Variants in NSMCE2 observed in about 807,000 individuals in gnomAD.
NSMCE2 encodes NSE2 SUMO ligase component of SMC5/6 complex, also known as E3 SUMO-protein ligase NSE2.
A neutral mutation model predicts 23.8 loss-of-function variants in NSMCE2; 24 were observed. The ratio of observed to expected loss-of-function variants is 1.01; its 90% CI spans 0.73 to 1.42. The LOEUF (loss-of-function observed/expected upper bound fraction) is 1.42. Ranked by LOEUF, NSMCE2 falls within the 40% of genes most tolerant of loss-of-function variation. NSMCE2 has a pLI of 0.00. For synonymous variants in NSMCE2, 92 were observed against 94.1 expected, an observed-to-expected ratio of 0.98 and a Z score of 0.13; for missense variants, 284 against 296.5, an observed-to-expected ratio of 0.96 and a Z score of 0.31.
intron 3 of NSMCE2, among the ~76,000 whole-genome samples, chr8:125,146,320 G>A (rs939793781): frequency 1.7e-4 from 26 of 152,328 alleles, no homozygotes; most frequent in South Asian, 4.1e-4. Context: ...GAGGCCTGGC[G>A]CTGCTGCTAA....
intron 3 of NSMCE2, among the ~76,000 whole-genome samples, chr8:125,134,048 GC>G (rs1195425521): frequency 6.6e-6 from 1 of 152,116 alleles, no homozygotes; most frequent in Non-Finnish European, 1.5e-5. Flanking sequence ...TGTTAGTCCA[GC>G]CCAACCACAC....
intron 5 of NSMCE2, among the ~76,000 whole-genome samples, chr8:125,271,308 G>A (rs1419239164): frequency 6.6e-6 from 1 of 151,924 alleles, no homozygotes; most frequent in East Asian, 1.9e-4. Flanking sequence ...AGTAGTGAGG[G>A]GGGTCTAAGT....
chr8:125,333,532 T>TTTTTTTTTTTTTTTTGGG, intron 5 of NSMCE2, among the ~76,000 whole-genome samples: 1 of 126,964 alleles, frequency 7.9e-6, no homozygotes, highest in Admixed American at 7.9e-5. Flanking sequence ...TTTTTTTTTT[T>TTTTTTTTTTTTTTTTGGG]GAGACGGAGT....
chr8:125,252,082 A>C (rs1324974955), intron 5 of NSMCE2, among the ~76,000 whole-genome samples: 1 of 152,204 alleles, frequency 6.6e-6, no homozygotes, highest in Non-Finnish European at 1.5e-5. Flanking sequence ...AATCCTTGTA[A>C]TCCTAGCTGA....
At chr8:125,348,201 T>C (rs767698760) in intron 5 of NSMCE2, 3 of 152,204 alleles carry the variant, frequency 2.0e-5, no homozygotes, top group Non-Finnish European at 4.4e-5. Flanking sequence ...AACAATTTTA[T>C]AATTACAGAA....
intron 5 of NSMCE2, among the ~76,000 whole-genome samples, chr8:125,200,822 G>A (rs1823838566): frequency 6.6e-6 from 1 of 152,136 alleles, no homozygotes; most frequent in South Asian, 2.1e-4. Flanking sequence ...ATCAAACGTA[G>A]GCTTGGTCTT....
At chr8:125,352,544 A>G (rs943644823) in intron 5 of NSMCE2, among the ~76,000 whole-genome samples, 2 of 152,016 alleles carry the variant, frequency 1.3e-5, no homozygotes, top group Admixed American at 6.6e-5. Context: ...TTAATATTCA[A>G]ATGAACCAGT....
chr8:125,171,840 C>T (rs1381567074), intron 4 of NSMCE2, among the ~76,000 whole-genome samples: 1 of 152,174 alleles, frequency 6.6e-6, no homozygotes, highest in East Asian at 1.9e-4. Context: ...CCTCTTCCTG[C>T]AGTGATGGAA....
intron 5 of NSMCE2, among the ~76,000 whole-genome samples, chr8:125,250,258 C>T (rs979403777): frequency 1.3e-5 from 2 of 152,000 alleles, no homozygotes; most frequent in African/African-American, 4.8e-5. Flanking sequence ...CCAAAGCCAC[C>T]ACGCCCAGCA....
chr8:125,294,349 C>A (rs1366536970), intron 5 of NSMCE2, among the ~76,000 whole-genome samples: 1 of 150,790 alleles, frequency 6.6e-6, no homozygotes, highest in African/African-American at 2.5e-5. Flanking sequence ...CATATGGTGA[C>A]TCTATGTTTA....
chr8:125,306,629 A>C (rs1216359332), intron 5 of NSMCE2, among the ~76,000 whole-genome samples: 1 of 152,222 alleles, frequency 6.6e-6, no homozygotes, highest in Non-Finnish European at 1.5e-5. Context: ...TTTTCCACTG[A>C]CCATCAGAAC....
intron 5 of NSMCE2, among the ~76,000 whole-genome samples, chr8:125,293,721 A>G (rs1387021574): frequency 6.6e-6 from 1 of 152,222 alleles, no homozygotes; most frequent in Non-Finnish European, 1.5e-5. Context: ...GCTGTGAGAG[A>G]TGATGGCTTT....
At chr8:125,338,765 A>T (rs115185771) in intron 5 of NSMCE2, among the ~76,000 whole-genome samples, 1,663 of 152,350 alleles carry the variant, frequency 0.011, 35 homozygotes, top group African/African-American at 0.037. Flanking sequence ...TGGGTTATAA[A>T]TGAAATTTAT....
rs370895566 is a variant in NSMCE2, at chr8:125,107,841, C to T, written c.157+5354C>T. 5.3e-5 allele frequency among the ~76,000 whole-genome samples: 8 copies of T among 152,212 alleles called. No homozygotes were observed. In the South Asian group the frequency reaches 1.2e-3, roughly 24 times the overall value. The stretch of plus-strand genomic sequence containing the variant: ...TTGAGCTCAGGAGTTTGATACTAGC[C>T]TGCAGCAACATGGCAAACCCTGTCT... On this transcript the variant is annotated intron_variant, in intron 3 of 7. Coordinates refer to ENST00000287437, the MANE Select transcript of NSMCE2 (RefSeq NM_173685.4).
At chr8:125,357,930 C>T in intron 7 of NSMCE2, 112 bp downstream of exon 7, 1 of 717,638 alleles carries the variant, frequency 1.4e-6, no homozygotes, top group Non-Finnish European at 2.4e-6. Flanking sequence ...ATTCCGTTCA[C>T]CTCCCGAATA....
At chr8:125,288,790 T>A (rs548322125) in intron 5 of NSMCE2, among the ~76,000 whole-genome samples, 21 of 152,284 alleles carry the variant, frequency 1.4e-4, no homozygotes, top group African/African-American at 3.4e-4. Flanking sequence ...CTTTATTTTT[T>A]AAATTTATTT....
At chr8:125,266,099 T>TC (rs1381351357) in intron 5 of NSMCE2, among the ~76,000 whole-genome samples, 90 of 150,830 alleles carry the variant, frequency 6.0e-4, no homozygotes, top group African/African-American at 2.1e-3. Context: ...TTTCTTTTTT[T>TC]TTTTTTTTTT....
intron 5 of NSMCE2, among the ~76,000 whole-genome samples, chr8:125,192,778 G>A (rs929586285): frequency 1.3e-5 from 2 of 152,180 alleles, no homozygotes; most frequent in African/African-American, 4.8e-5. Flanking sequence ...TGGCAATTCA[G>A]TTTCTGTCTC....
At chr8:125,131,176 A>T (rs1210345148) in intron 3 of NSMCE2, among the ~76,000 whole-genome samples, 3 of 152,140 alleles carry the variant, frequency 2.0e-5, no homozygotes, top group African/African-American at 7.2e-5. Context: ...GTAGTTTATT[A>T]TTATTATTTT....
Sources: gnomAD v4.1 joint callset for allele counts (sites outside exome capture counted in the v4.1 genomes callset) on GRCh38, gnomAD v4.1.1 for gene constraint, MANE v1.5 for transcripts, NCBI Gene and HGNC (gene_info 2026-07-23, HGNC 2026-07-21) for gene names.